The following KAZN variants were observed in gnomAD, a reference collection of about 807,000 sequenced individuals.
KAZN encodes the protein kazrin.
A neutral mutation model predicts 87.4 loss-of-function variants in KAZN; 40 were observed. The ratio of observed to expected loss-of-function variants is 0.46; its 90% CI spans 0.36 to 0.60. KAZN has a LOEUF of 0.60. Among genes scored for constraint, KAZN ranks in the 20% least tolerant of loss-of-function variants. The probability of loss-of-function intolerance (pLI) is 0.00; values close to 1 mark genes in which losing one functional copy is unlikely to be tolerated. For missense variants in KAZN, 898 were observed against 1,073.9 expected, an observed-to-expected ratio of 0.84 and a Z score of 2.29; for synonymous variants, 466 against 458.3, an observed-to-expected ratio of 1.02 and a Z score of -0.22.
intron 1 of KAZN, among the ~76,000 whole-genome samples, chr1:13,964,403 G>C (rs1008146412): frequency 6.6e-6 from 1 of 152,318 alleles, no homozygotes; most frequent in Middle Eastern, 3.4e-3. Context: ...CACACAACCT[G>C]ATGGCTTAAA....
chr1:14,011,564 C>T lies in KAZN; in HGVS notation c.91+117808C>T, dbSNP rs147356255. Among the ~76,000 whole-genome samples the T allele has an allele frequency of 6.1e-3, 927 of 152,232 alleles. 7 individuals carry two copies. The highest frequency in any genetic ancestry group is 0.01 in the Middle Eastern group (3 of 294). On this transcript the variant is annotated intron_variant, in intron 1 of 16. Transcript: ENST00000636203. ...GAAGAGCTTTGTGCCTCTGGGCAGCCTCTTGGTTGGAATGCTCTGAAATTG... is the reference window on the plus strand; with the variant it reads ...GAAGAGCTTTGTGCCTCTGGGCAGCTTCTTGGTTGGAATGCTCTGAAATTG...
At position 14,557,720 on chromosome 1, in the gene KAZN, A is replaced by C. The variant is rs533793740; in HGVS notation, c.250-41263A>C. 7.3e-5 allele frequency among the ~76,000 whole-genome samples: 11 copies of C among 151,628 alleles called. 1 individual carries two copies. Among genetic ancestry groups the C allele is most frequent in the African/African-American group, 2.4e-4 (10 of 41,314 alleles). On this transcript the variant is annotated intron_variant, in intron 2 of 16. Coordinates refer to the KAZN transcript ENST00000636203. ...GATTTGTTGTAAGAAATTGGCTCAC[A>C]TGACTAAGGAGGCTGGCAACTCCCA...
intron 1 of KAZN, among the ~76,000 whole-genome samples, chr1:14,153,163 A>G (rs185980292): frequency 6.6e-6 from 1 of 152,116 alleles, no homozygotes; most frequent in East Asian, 1.9e-4. Flanking sequence ...TCACTTTGTT[A>G]ATTGTTTCCT....
intron 2 of KAZN, among the ~76,000 whole-genome samples, chr1:14,534,709 A>T (rs1284897966): frequency 6.6e-6 from 1 of 152,178 alleles, no homozygotes; most frequent in East Asian, 1.9e-4. Context: ...ACCTCTTAGG[A>T]TATCCTCCCT....
intron 1 of KAZN, among the ~76,000 whole-genome samples, chr1:14,833,678 G>A (rs1483813783): frequency 6.6e-6 from 1 of 152,090 alleles, no homozygotes; most frequent in Non-Finnish European, 1.5e-5. Flanking sequence ...ATGAAGTCTT[G>A]TTGATGTACA....
intron 2 of KAZN, among the ~76,000 whole-genome samples, chr1:15,005,104 C>T (rs550406156): frequency 6.6e-6 from 1 of 152,192 alleles, no homozygotes; most frequent in African/African-American, 2.4e-5. Context: ...GTGCCATGGC[C>T]GAACTTCATC....
At chr1:14,033,596 C>G (rs773705352) in intron 1 of KAZN, among the ~76,000 whole-genome samples, 5 of 152,192 alleles carry the variant, frequency 3.3e-5, no homozygotes, top group Non-Finnish European at 7.3e-5. Context: ...AAGCTATGTT[C>G]AGCCACTGGA....
At chr1:14,119,923 T>TCCAATTTAATCTTCACAGTAGCC (rs77982637) in intron 1 of KAZN, among the ~76,000 whole-genome samples, 1 of 151,930 alleles carries the variant, frequency 6.6e-6, no homozygotes, top group Non-Finnish European at 1.5e-5. Context: ...ATGTGTACGA[T>TCCAATTTAATCTTCACAGTAGCC]CTATTTGGTG....
chr1:14,627,479 G>A (rs776445498), intron 1 of KAZN, among the ~76,000 whole-genome samples: 3 of 152,094 alleles, frequency 2.0e-5, no homozygotes, highest in East Asian at 1.9e-4. Context: ...GGCCTGATAC[G>A]ATCTCACTCA....
chr1:14,073,792 T>C (rs1643339157), intron 1 of KAZN, among the ~76,000 whole-genome samples: 1 of 152,236 alleles, frequency 6.6e-6, no homozygotes, highest in Non-Finnish European at 1.5e-5. Context: ...CTTTATCCAG[T>C]CTATCATTGA....
chr1:14,125,273 T>C (rs1389760902), intron 1 of KAZN, among the ~76,000 whole-genome samples: 1 of 152,132 alleles, frequency 6.6e-6, no homozygotes, highest in African/African-American at 2.4e-5. Context: ...ATCAAAAATG[T>C]CTTTTCCGAC....
intron 1 of KAZN, among the ~76,000 whole-genome samples, chr1:14,100,032 T>C (rs1011516599): frequency 2.6e-5 from 4 of 152,150 alleles, no homozygotes; most frequent in African/African-American, 9.7e-5. Context: ...TACTGGAGAA[T>C]GGCCATGAAA....
intron 1 of KAZN, among the ~76,000 whole-genome samples, chr1:14,851,834 A>G (rs1203220403): frequency 2.0e-5 from 3 of 152,132 alleles, no homozygotes; most frequent in African/African-American, 7.2e-5. Flanking sequence ...CAGTCATCAC[A>G]CTGTGTAGCG....
At position 14,143,397 on chromosome 1, in the gene KAZN, G is replaced by A. The variant is rs962358801; in HGVS notation, c.92-37038G>A. Among the ~76,000 whole-genome samples the A allele has an allele frequency of 3.9e-5, 6 of 151,938 alleles. No homozygotes were observed. In the East Asian group the frequency reaches 7.7e-4, roughly 20 times the overall value. On this transcript the variant is annotated intron_variant, in intron 1 of 16. Transcript: ENST00000636203. Reference sequence around the variant, plus strand: ...TGAGCTATTGTTTCGTGTATGTACCGCCCTATTTCTAATACTCTGGTTTTG... The same window carrying A: ...TGAGCTATTGTTTCGTGTATGTACCACCCTATTTCTAATACTCTGGTTTTG...
chr1:15,005,545 G>A (rs1323824426), intron 2 of KAZN, among the ~76,000 whole-genome samples: 1 of 152,180 alleles, frequency 6.6e-6, no homozygotes, highest in East Asian at 1.9e-4. Context: ...CAGCACTTTG[G>A]GAGGCTGAGG....
chr1:15,038,571 G>A (rs1278920528), intron 3 of KAZN, among the ~76,000 whole-genome samples: 1 of 152,006 alleles, frequency 6.6e-6, no homozygotes, highest in East Asian at 1.9e-4. Context: ...AGGCATGAAT[G>A]TGATATTACC....
At chr1:13,910,246 C>T (rs1006197465) in intron 1 of KAZN, among the ~76,000 whole-genome samples, 18 of 151,994 alleles carry the variant, frequency 1.2e-4, no homozygotes, top group Non-Finnish European at 1.6e-4. Context: ...TGGTGGCTGA[C>T]GCCTGTAATC....
chr1:14,296,678 C>T (rs1308485896), intron 2 of KAZN, among the ~76,000 whole-genome samples: 1 of 145,648 alleles, frequency 6.9e-6, no homozygotes, highest in East Asian at 2.0e-4. Flanking sequence ...CTCTGTCACC[C>T]AGGCTGTAGT....
chr1:14,182,241 A>G (rs1646213708), intron 2 of KAZN, among the ~76,000 whole-genome samples: 1 of 152,182 alleles, frequency 6.6e-6, no homozygotes, highest in Non-Finnish European at 1.5e-5. Context: ...GGAGTGGGAT[A>G]TGGTGGATAT....
Sources: gnomAD v4.1 joint callset for allele counts (sites outside exome capture counted in the v4.1 genomes callset) on GRCh38, gnomAD v4.1.1 for gene constraint, MANE v1.5 for transcripts, NCBI Gene and HGNC (gene_info 2026-07-23, HGNC 2026-07-21) for gene names.